The following ASB18 variants were observed in gnomAD, a reference collection of about 807,000 sequenced individuals.
The protein encoded by ASB18 is ankyrin repeat and SOCS box protein 18.
In ASB18, 33 loss-of-function variants were observed where a neutral mutation model predicts 33.4. That is an observed-to-expected ratio of 0.99 (90% CI 0.75 to 1.32). ASB18 has a LOEUF of 1.32. Ranked by LOEUF, ASB18 falls within the 40% of genes most tolerant of loss-of-function variation. The probability of loss-of-function intolerance (pLI) is 0.00; values close to 1 mark genes in which losing one functional copy is unlikely to be tolerated. For missense variants in ASB18, 694 were observed against 655.5 expected (o/e 1.06, Z -0.64); for synonymous variants, 295 against 307.6 (o/e 0.96, Z 0.43).
intron 4 of ASB18, among the ~76,000 whole-genome samples, chr2:236,198,125 G>C (rs2060382943): frequency 6.6e-6 from 1 of 152,122 alleles, no homozygotes; most frequent in Admixed American, 6.5e-5. Context: ...TTCACAACTT[G>C]CCTCCCTTCT....
rs181272528 is a variant in ASB18, at chr2:236,221,890, A to G, written c.597-7024T>C. On this transcript the variant is annotated intron_variant, in intron 3 of 5. Transcript: ENST00000409749. The surrounding 1 kb of genome is among the most constrained non-coding windows in gnomAD (Gnocchi z 5.6). Reference sequence around the variant, plus strand: ...GCTGCTTTTCCTCCTCAGAGATGACACGGAGGCAGATGGGCTAGAGACATG... The same window carrying G: ...GCTGCTTTTCCTCCTCAGAGATGACGCGGAGGCAGATGGGCTAGAGACATG... 4.2e-4 allele frequency among the ~76,000 whole-genome samples: 64 copies of G among 152,256 alleles called. No homozygotes were observed. Among genetic ancestry groups the G allele is most frequent in the African/African-American group, 1.3e-3 (53 of 41,550 alleles).
Position 236,226,919 on chromosome 2 carries a change from C to G in ASB18, c.596+10770G>C, listed in dbSNP as rs924336176. On this transcript the variant is annotated intron_variant, in intron 3 of 5. Coordinates refer to ENST00000409749, the MANE Select transcript of ASB18 (RefSeq NM_212556.4). The surrounding 1 kb of genome is among the most constrained non-coding windows in gnomAD (Gnocchi z 4.8). ...CTGAATACGCTTCACCCAGCTTCCCCTAAAGTTAATATCTAATATTATTAT... is the reference window on the plus strand; with the variant it reads ...CTGAATACGCTTCACCCAGCTTCCCGTAAAGTTAATATCTAATATTATTAT... Among the ~76,000 whole-genome samples the G allele has an allele frequency of 6.6e-6, 1 of 152,080 alleles. No homozygotes were observed. Among genetic ancestry groups the G allele is most frequent in the Non-Finnish European group, 1.5e-5 (1 of 68,006 alleles).
Position 236,260,704 on chromosome 2 carries a change from A to G in ASB18, c.205+3437T>C, listed in dbSNP as rs1317016294. On this transcript the variant is annotated intron_variant, in intron 1 of 5. Coordinates refer to ENST00000409749, the MANE Select transcript of ASB18 (RefSeq NM_212556.4). The surrounding 1 kb of genome is among the most constrained non-coding windows in gnomAD (Gnocchi z 5.1). ...GGTTCCCAAGGAGCATCTGCAAATC[A>G]CCAATTCTACGGGTTGTCAGCAGAC... Among the ~76,000 whole-genome samples, 4 of 152,196 alleles carry G rather than the reference A, an allele frequency of 2.6e-5. No homozygotes were observed. The highest frequency in any genetic ancestry group is 9.7e-5 in the African/African-American group (4 of 41,448).
At chr2:236,206,170 T>A (rs2060431659) in intron 4 of ASB18, among the ~76,000 whole-genome samples, 1 of 150,514 alleles carries the variant, frequency 6.6e-6, no homozygotes, top group African/African-American at 2.5e-5. Context: ...TTACCATCAC[T>A]TTCTCTTTTA....
At position 236,256,176 on chromosome 2, in the gene ASB18, C is replaced by T. The variant is rs1017456574; in HGVS notation, c.205+7965G>A. 6.6e-5 allele frequency among the ~76,000 whole-genome samples: 10 copies of T among 152,040 alleles called. No individual in the cohort carries two copies. The highest frequency in any genetic ancestry group is 2.2e-4 in the African/African-American group (9 of 41,400). On this transcript the variant is annotated intron_variant, in intron 1 of 5. Coordinates refer to ENST00000409749, the MANE Select transcript of ASB18 (RefSeq NM_212556.4). The surrounding 1 kb of genome is among the most constrained non-coding windows in gnomAD (Gnocchi z 4.7). Reference sequence around the variant, plus strand: ...AAGTAACTGGGACTATAGGTGTGTGCCATCATGCCCAGGCTAATTGGTGTA... The same window carrying T: ...AAGTAACTGGGACTATAGGTGTGTGTCATCATGCCCAGGCTAATTGGTGTA...
In ASB18 at chr2:236,203,120, G is replaced by A. The variant is rs776912887; in HGVS notation, c.1102-6735C>T. ...CATCCCTTCTGTAGGTATTTGCCGA[G>A]CTCCTACTAGAAAGCAGGGATTGTG... is the stretch of plus-strand genomic sequence containing the variant. On this transcript the variant is annotated intron_variant, in intron 4 of 5. Transcript: ENST00000409749. The surrounding 1 kb of genome is among the most constrained non-coding windows in gnomAD (Gnocchi z 6.0). Among the ~76,000 whole-genome samples the A allele has an allele frequency of 1.3e-5, 2 of 152,132 alleles. No individual in the cohort carries two copies. Among genetic ancestry groups the A allele is most frequent in the Non-Finnish European group, 2.9e-5 (2 of 68,042 alleles).
At chr2:236,210,322 C>CTGGTG (rs1302278503) in intron 4 of ASB18, 7 of 152,238 alleles carry the variant, frequency 4.6e-5, no homozygotes, top group Non-Finnish European at 1.0e-4. Flanking sequence ...TGCACTTCCC[C>CTGGTG]GACTGGTGGA....
Position 236,259,712 on chromosome 2 carries a change from A to T in ASB18, c.205+4429T>A. 1 of 404,222 alleles carries T rather than the reference A, an allele frequency of 2.5e-6. No individual in the cohort carries two copies. The highest frequency in any genetic ancestry group is 5.2e-6 in the Non-Finnish European group (1 of 193,750). 25.0% of individuals were successfully genotyped at this position (404,222 alleles called of 1,614,324 possible). ...AGCCCAGCAGGATGTTGGGCATCTC[A>T]GGTCCATCCTTGCAGGAGAGCAGGT... On this transcript the variant is annotated intron_variant, in intron 1 of 5. Coordinates refer to ENST00000409749, the MANE Select transcript of ASB18 (RefSeq NM_212556.4). This position sits in a 1 kb window ranked among gnomAD's most constrained non-coding sequence, Gnocchi z 4.4.
chr2:236,255,383 A>T lies in ASB18; in HGVS notation c.205+8758T>A, dbSNP rs1484016634. 1.3e-5 allele frequency among the ~76,000 whole-genome samples: 2 copies of T among 152,138 alleles called. No individual in the cohort carries two copies. The highest frequency in any genetic ancestry group is 4.8e-5 in the African/African-American group (2 of 41,436). ...GGTCTTGAACTCCTGACCTCAGGTGATCTGCCCCCCTCGGCCTATCAAAGT... is the reference window on the plus strand; with the variant it reads ...GGTCTTGAACTCCTGACCTCAGGTGTTCTGCCCCCCTCGGCCTATCAAAGT... On this transcript the variant is annotated intron_variant, in intron 1 of 5. Transcript: ENST00000409749. This position sits in a 1 kb window ranked among gnomAD's most constrained non-coding sequence, Gnocchi z 4.4.
chr2:236,215,490 T>C lies in ASB18; in HGVS notation c.597-624A>G, dbSNP rs1342693166. Among the ~76,000 whole-genome samples, 1 of 152,130 alleles carries C rather than the reference T, an allele frequency of 6.6e-6. No homozygotes were observed. The highest frequency in any genetic ancestry group is 1.5e-5 in the Non-Finnish European group (1 of 68,018). ...CTGTGCTGCTTGAACAGACTGGATA[T>C]TGGCTGCACCTGAATTCCCCAGTGG... On this transcript the variant is annotated intron_variant, in intron 3 of 5. Coordinates refer to ENST00000409749, the MANE Select transcript of ASB18 (RefSeq NM_212556.4). This position sits in a 1 kb window ranked among gnomAD's most constrained non-coding sequence, Gnocchi z 7.2.
rs1039431873 is a variant in ASB18, at chr2:236,257,978, C to T, written c.205+6163G>A. ...GCAGGGACTTGCGGCATTGCCAATT[C>T]CTCCTTCTTTGCCTCCGTGTAGGAC... On this transcript the variant is annotated intron_variant, in intron 1 of 5. Coordinates refer to ENST00000409749, the MANE Select transcript of ASB18 (RefSeq NM_212556.4). This position sits in a 1 kb window ranked among gnomAD's most constrained non-coding sequence, Gnocchi z 5.5. Among the ~76,000 whole-genome samples the T allele has an allele frequency of 6.6e-6, 1 of 152,204 alleles. No homozygotes were observed. Among genetic ancestry groups the T allele is most frequent in the Non-Finnish European group, 1.5e-5 (1 of 68,034 alleles).
chr2:236,236,254 A>G (rs1485416751), intron 3 of ASB18, among the ~76,000 whole-genome samples: 1 of 152,240 alleles, frequency 6.6e-6, no homozygotes, highest in Non-Finnish European at 1.5e-5. Flanking sequence ...GAATCTTAAA[A>G]TAATTATGTC....
At chr2:236,199,285 G>A (rs561819483) in intron 4 of ASB18, among the ~76,000 whole-genome samples, 44 of 151,876 alleles carry the variant, frequency 2.9e-4, no homozygotes, top group South Asian at 6.3e-4. Context: ...GATGGTGCAC[G>A]CGTGTAATCC....
chr2:236,244,528 A>G lies in ASB18; in HGVS notation c.206-3126T>C, dbSNP rs1228797199. ...CACTGGGCTGTGCATCCTTGGTCAC[A>G]GTCGAGCTTCCTAAGCCTCCTTTTA... On this transcript the variant is annotated intron_variant, in intron 1 of 5. Transcript: ENST00000409749. This position sits in a 1 kb window ranked among gnomAD's most constrained non-coding sequence, Gnocchi z 6.1. Among the ~76,000 whole-genome samples, 1 of 152,228 alleles carries G rather than the reference A, an allele frequency of 6.6e-6. No individual in the cohort carries two copies. The highest frequency in any genetic ancestry group is 1.9e-4 in the East Asian group (1 of 5,192).
At position 236,251,089 on chromosome 2, in the gene ASB18, C is replaced by A. The variant is rs1274396482; in HGVS notation, c.206-9687G>T. ...TTATTTTCCCGTCACTGCTACCAAG[C>A]CCAGTGCAGATAATGCAGAACAACA... On this transcript the variant is annotated intron_variant, in intron 1 of 5. Coordinates refer to ENST00000409749, the MANE Select transcript of ASB18 (RefSeq NM_212556.4). This position sits in a 1 kb window ranked among gnomAD's most constrained non-coding sequence, Gnocchi z 5.3. Among the ~76,000 whole-genome samples the A allele has an allele frequency of 2.0e-5, 3 of 152,204 alleles. No homozygotes were observed. Among genetic ancestry groups the A allele is most frequent in the Non-Finnish European group, 4.4e-5 (3 of 68,034 alleles).
rs1357539974 is a variant in ASB18 at position 236,237,521 on chromosome 2, G to A, written c.596+168C>T. On this transcript the variant is annotated intron_variant, in intron 3 of 5. Transcript: ENST00000409749. This position sits in a 1 kb window ranked among gnomAD's most constrained non-coding sequence, Gnocchi z 6.2. Reference sequence around the variant, plus strand: ...AGGCAGGGGCCGGGGTAGGGACGGGGCGGATGCGGGTCTGGGGATCCAGTG... The same window carrying A: ...AGGCAGGGGCCGGGGTAGGGACGGGACGGATGCGGGTCTGGGGATCCAGTG... Among the ~76,000 whole-genome samples, 1 of 151,146 alleles carries A rather than the reference G, an allele frequency of 6.6e-6. No individual in the cohort carries two copies. The highest frequency in any genetic ancestry group is 1.5e-5 in the Non-Finnish European group (1 of 67,614).
intron 3 of ASB18, among the ~76,000 whole-genome samples, chr2:236,236,495 G>A (rs371605718): frequency 2.0e-5 from 3 of 152,174 alleles, no homozygotes; most frequent in African/African-American, 7.2e-5. Context: ...TTATCAAATT[G>A]TACGCCTTAA....
chr2:236,206,714 A>T (rs2106265550), intron 4 of ASB18, among the ~76,000 whole-genome samples: 1 of 152,380 alleles, frequency 6.6e-6, no homozygotes, highest in East Asian at 1.9e-4. Flanking sequence ...TATTTCAACC[A>T]GAAACAACTT....
chr2:236,233,244 C>A (rs1158927225), intron 3 of ASB18, among the ~76,000 whole-genome samples: 7 of 152,030 alleles, frequency 4.6e-5, no homozygotes, highest in Non-Finnish European at 8.8e-5. Context: ...AATATTAATT[C>A]ATCATACAAA....
Sources: gnomAD v4.1 joint callset for allele counts (sites outside exome capture counted in the v4.1 genomes callset) on GRCh38, gnomAD v4.1.1 for gene constraint, Gnocchi (gnomAD v3.1) non-coding constraint, MANE v1.5 for transcripts, NCBI Gene and HGNC (gene_info 2026-07-23, HGNC 2026-07-21) for gene names.